The following LDLRAD3 variants were observed in gnomAD, a reference collection of about 807,000 sequenced individuals.
The protein encoded by LDLRAD3 is low-density lipoprotein receptor class A domain-containing protein 3.
LDLRAD3 carries 20 observed loss-of-function variants against 29.4 expected under a neutral mutation model. The ratio of observed to expected loss-of-function variants is 0.68; its 90% CI spans 0.48 to 0.99. The LOEUF (loss-of-function observed/expected upper bound fraction) is 0.99. Ranked by LOEUF, LDLRAD3 falls within the 50% of genes least tolerant of loss-of-function variation. The probability of loss-of-function intolerance (pLI) is 0.00; values close to 1 mark genes in which losing one functional copy is unlikely to be tolerated. For synonymous variants in LDLRAD3, 157 were observed against 192.7 expected, an observed-to-expected ratio of 0.81 and a Z score of 1.53; for missense variants, 420 against 454.3, an observed-to-expected ratio of 0.92 and a Z score of 0.69.
At chr11:36,022,119 A>G (rs1308913556) in intron 1 of LDLRAD3, among the ~76,000 whole-genome samples, 1 of 152,168 alleles carries the variant, frequency 6.6e-6, no homozygotes, top group Non-Finnish European at 1.5e-5. Flanking sequence ...ATCGTTTCCT[A>G]ATAAACAGTT....
intron 4 of LDLRAD3, among the ~76,000 whole-genome samples, chr11:36,129,404 T>C (rs1853891215): frequency 6.6e-6 from 1 of 152,104 alleles, no homozygotes; most frequent in Non-Finnish European, 1.5e-5. Context: ...AGCCTTCATC[T>C]CCAATAGCCT....
rs368170349 is a variant in LDLRAD3 at position 36,219,298 on chromosome 11, T to G, written c.455-7787T>G. Among the ~76,000 whole-genome samples the G allele has an allele frequency of 1.3e-3, 203 of 152,348 alleles. 2 individuals are homozygous for G. Among genetic ancestry groups the G allele is most frequent in the African/African-American group, 4.7e-3 (195 of 41,584 alleles). On this transcript the variant is annotated intron_variant, in intron 4 of 5. Transcript: ENST00000315571. ...ACATTTTGTCTGCCTTGAATATTTC[T>G]ATATTATTTTTTTTTAAATAATGAA...
chr11:35,974,629 T>C (rs1457792682), intron 1 of LDLRAD3, among the ~76,000 whole-genome samples: 4 of 152,242 alleles, frequency 2.6e-5, no homozygotes, highest in Non-Finnish European at 1.5e-5. Context: ...ATTAAAGGCC[T>C]CATTTTCTTG....
At chr11:35,965,001 A>T (rs1047655727) in intron 1 of LDLRAD3, among the ~76,000 whole-genome samples, 13 of 151,776 alleles carry the variant, frequency 8.6e-5, no homozygotes, top group African/African-American at 2.4e-4. Flanking sequence ...AAAAAAAAAA[A>T]ATAGTGTTGA....
At chr11:36,112,182 A>G (rs1853615639) in intron 4 of LDLRAD3, among the ~76,000 whole-genome samples, 1 of 152,194 alleles carries the variant, frequency 6.6e-6, no homozygotes, top group Non-Finnish European at 1.5e-5. Flanking sequence ...TTGTTGCAAC[A>G]TTATTCCTGG....
At chr11:36,025,451 T>C (rs998092017) in intron 1 of LDLRAD3, among the ~76,000 whole-genome samples, 11 of 150,886 alleles carry the variant, frequency 7.3e-5, no homozygotes, top group Middle Eastern at 3.2e-3. Flanking sequence ...TGCAGTGGTG[T>C]GATCTCAGCT....
chr11:36,149,456 C>T (rs760619368), intron 4 of LDLRAD3, among the ~76,000 whole-genome samples: 10 of 152,114 alleles, frequency 6.6e-5, no homozygotes, highest in Non-Finnish European at 1.5e-4. Flanking sequence ...CAAAATAACC[C>T]AACTTGGAAG....
chr11:35,969,445 C>T (rs1851384658), intron 1 of LDLRAD3, among the ~76,000 whole-genome samples: 1 of 152,222 alleles, frequency 6.6e-6, no homozygotes, highest in Non-Finnish European at 1.5e-5. Flanking sequence ...ACTTAATGAG[C>T]TCAGTCAAAG....
intron 4 of LDLRAD3, among the ~76,000 whole-genome samples, chr11:36,120,165 T>C (rs922915285): frequency 1.1e-4 from 17 of 152,242 alleles, no homozygotes; most frequent in South Asian, 2.1e-4. Context: ...GCTATATTTC[T>C]AGTCTGGAAA....
intron 4 of LDLRAD3, among the ~76,000 whole-genome samples, chr11:36,169,331 A>C (rs1854562359): frequency 6.6e-6 from 1 of 152,198 alleles, no homozygotes; most frequent in South Asian, 2.1e-4. Flanking sequence ...GTTTTGAAAT[A>C]TATAATTATT....
At chr11:36,142,579 G>T (rs1219842065) in intron 4 of LDLRAD3, among the ~76,000 whole-genome samples, 2 of 152,112 alleles carry the variant, frequency 1.3e-5, no homozygotes, top group Non-Finnish European at 1.5e-5. Flanking sequence ...CCCACTGTCT[G>T]GTTCCCGCCC....
chr11:36,048,063 G>A (rs761362796), intron 2 of LDLRAD3, among the ~76,000 whole-genome samples: 27 of 152,162 alleles, frequency 1.8e-4, no homozygotes, highest in Non-Finnish European at 2.2e-4. Flanking sequence ...CTTCCCCAGG[G>A]ATGCATTGTG....
At chr11:36,207,627 G>T (rs1343535595) in intron 4 of LDLRAD3, among the ~76,000 whole-genome samples, 3 of 152,124 alleles carry the variant, frequency 2.0e-5, no homozygotes, top group African/African-American at 7.2e-5. Flanking sequence ...TCCAGCCTGG[G>T]TGTTGGAGTG....
intron 4 of LDLRAD3, among the ~76,000 whole-genome samples, chr11:36,220,134 A>G (rs943863860): frequency 1.3e-5 from 2 of 152,286 alleles, no homozygotes; most frequent in African/African-American, 2.4e-5. Flanking sequence ...AGTGGTATCA[A>G]TAAGATACCA....
At chr11:36,056,410 T>C (rs1255794802) in intron 2 of LDLRAD3, among the ~76,000 whole-genome samples, 4 of 152,194 alleles carry the variant, frequency 2.6e-5, no homozygotes, top group African/African-American at 7.2e-5. Flanking sequence ...ATCCCCATTA[T>C]ACAGTTGGAG....
chr11:36,089,375 G>A (rs566741921), intron 3 of LDLRAD3, among the ~76,000 whole-genome samples: 12 of 152,110 alleles, frequency 7.9e-5, no homozygotes, highest in East Asian at 1.9e-4. Context: ...CAACCTAGGC[G>A]GTATAAATAC....
At chr11:36,109,161 G>A (rs1439095019) in intron 4 of LDLRAD3, among the ~76,000 whole-genome samples, 1 of 152,190 alleles carries the variant, frequency 6.6e-6, no homozygotes, top group Non-Finnish European at 1.5e-5. Flanking sequence ...CAAAGCTAGG[G>A]CTTCTTTGAG....
At chr11:36,054,840 A>ATGGATGG (rs1852585740) in intron 2 of LDLRAD3, among the ~76,000 whole-genome samples, 1 of 133,706 alleles carries the variant, frequency 7.5e-6, no homozygotes, top group African/African-American at 2.9e-5. Context: ...TGGATGGATG[A>ATGGATGG]ATGGATGGAT....
chr11:36,213,649 G>A lies in LDLRAD3; in HGVS notation c.455-13436G>A, dbSNP rs143308603. 2.0e-5 allele frequency among the ~76,000 whole-genome samples: 3 copies of A among 152,288 alleles called. No homozygotes were observed. Among genetic ancestry groups the A allele is most frequent in the South Asian group, 2.1e-4 (1 of 4,820 alleles). On this transcript the variant is annotated intron_variant, in intron 4 of 5. Transcript: ENST00000315571. This position sits in a 1 kb window ranked among gnomAD's most constrained non-coding sequence, Gnocchi z 4.1. ...GGAGTGAAATGGGACCCCCAGGGCC[G>A]CTCCCACCCTGGGAGTGCCATTGGG...
Sources: allele counts gnomAD v4.1 joint callset (sites outside exome capture counted in the v4.1 genomes callset), GRCh38; gene constraint gnomAD v4.1.1; non-coding constraint Gnocchi (gnomAD v3.1); transcripts MANE v1.5; gene names NCBI Gene and HGNC (gene_info 2026-07-23, HGNC 2026-07-21).